The following ABCB1 variants were observed in gnomAD, a reference collection of about 807,000 sequenced individuals.
The protein encoded by ABCB1 is ATP-dependent translocase ABCB1.
A neutral mutation model predicts 142.0 loss-of-function variants in ABCB1; 69 were observed. That is an observed-to-expected ratio of 0.49 (90% confidence interval 0.40 to 0.59). The LOEUF (loss-of-function observed/expected upper bound fraction) is 0.59. ABCB1 is among the 20% of genes least tolerant of loss of function. ABCB1 has a pLI of 0.00. For missense variants in ABCB1, 1,326 were observed against 1,554.7 expected, an observed-to-expected ratio of 0.85 and a Z score of 2.47; for synonymous variants, 532 against 539.2, an observed-to-expected ratio of 0.99 and a Z score of 0.18.
intron 21 of ABCB1, among the ~76,000 whole-genome samples, chr7:87,527,344 T>C (rs1815828087): frequency 6.6e-6 from 1 of 152,236 alleles, no homozygotes; most frequent in African/African-American, 2.4e-5. Context: ...AAATGTATTG[T>C]ACAAAAAGTG....
Position 87,505,905 on chromosome 7 carries a change from T to A in ABCB1, c.3628A>T (p.Ser1210Cys), listed in dbSNP as rs1390471469. The A allele has an allele frequency of 6.2e-7, 1 of 1,614,072 alleles. No individual in the cohort carries two copies. The highest frequency in any genetic ancestry group is 1.3e-5 in the African/African-American group (1 of 74,940). ...DEATSALDTE[S>C]EKVVQEALDK... Reference sequence around the variant, plus strand: ...CCAATTTAAATTCTTACCTTTTCACTTTCTGTATCCAGAGCTGACGTGGCT... The same window carrying A: ...CCAATTTAAATTCTTACCTTTTCACATTCTGTATCCAGAGCTGACGTGGCT... The change falls in exon 27 of 28, where the codon AGT becomes TGT. Residue 1210 changes from serine (S) to cysteine (C), a missense_variant. By Grantham distance (112) the Ser-to-Cys change is moderately radical. Coordinates refer to ENST00000622132, the MANE Select transcript of ABCB1 (RefSeq NM_001348946.2).
chr7:87,544,756 C>A, intron 16 of ABCB1, 67 bp downstream of exon 16: 1 of 1,544,582 alleles, frequency 6.5e-7, no homozygotes, highest in Non-Finnish European at 8.9e-7. Context: ...CTACTGTAGC[C>A]CTAGCCCACC....
Position 87,566,113 on chromosome 7 carries a change from G to A in ABCB1, c.659C>T (p.Ala220Val). 1.2e-6 allele frequency: 2 copies of A among 1,614,176 alleles called. No homozygotes were observed. Among genetic ancestry groups the A allele is most frequent in the Non-Finnish European group, 1.7e-6 (2 of 1,180,024 alleles). The change falls in exon 7 of 28, where the codon GCC becomes GTC. Residue 220 changes from alanine (A) to valine (V), a missense_variant. Transcript: ENST00000622132. ...TGACAGTCCAAGAACAGGACTGATG[G>A]CCAAAATCACAAGGGTTAGCTTCCA... ...RGWKLTLVIL[A>V]ISPVLGLSAA... is the part of the protein sequence containing the mutation.
In ABCB1 at chr7:87,550,288, C is replaced by G; in HGVS notation, c.1233G>C (p.Lys411Asn). ...CACTCTGCACCTTCAGGTTCAGACCCTTCAAGATCTACCAGGACGAGTGAG... is the reference window on the plus strand; with the variant it reads ...CACTCTGCACCTTCAGGTTCAGACCGTTCAAGATCTACCAGGACGAGTGAG... Reference protein sequence around the residue: ...YPSRKEVKILKGLNLKVQSGQ... With the variant: ...YPSRKEVKILNGLNLKVQSGQ... Residue 411 changes from lysine to asparagine, a missense_variant, in exon 12 of 28, where the codon AAG (lysine) becomes AAC (asparagine). Coordinates refer to ENST00000622132, the MANE Select transcript of ABCB1 (RefSeq NM_001348946.2). 6.2e-7 allele frequency: 1 copy of G among 1,614,160 alleles called. No individual in the cohort carries two copies. Among genetic ancestry groups the G allele is most frequent in the Non-Finnish European group, 8.5e-7 (1 of 1,180,034 alleles).
chr7:87,645,810 T>G (rs901390825), intron 1 of ABCB1, among the ~76,000 whole-genome samples: 1 of 152,136 alleles, frequency 6.6e-6, no homozygotes, highest in Non-Finnish European at 1.5e-5. Context: ...TTTAGAGAAG[T>G]GAGTATTGAG....
chr7:87,661,880 G>A (rs1331758352), intron 1 of ABCB1, among the ~76,000 whole-genome samples: 1 of 152,000 alleles, frequency 6.6e-6, no homozygotes, highest in Non-Finnish European at 1.5e-5. Context: ...CAGTGTATAA[G>A]AGTTCCCTTT....
intron 1 of ABCB1, among the ~76,000 whole-genome samples, chr7:87,688,597 G>A (rs968358133): frequency 2.6e-5 from 4 of 151,464 alleles, no homozygotes; most frequent in East Asian, 1.9e-4. Context: ...TTTTTTCTCC[G>A]TTGATTAGTC....
intron 1 of ABCB1, among the ~76,000 whole-genome samples, chr7:87,699,275 A>AT (rs1259486675): frequency 3.3e-5 from 5 of 152,180 alleles, no homozygotes; most frequent in African/African-American, 4.8e-5. Context: ...CTACAAGAAG[A>AT]TTAAACAACT....
At chr7:87,581,783 C>T (rs796293134) in intron 4 of ABCB1, among the ~76,000 whole-genome samples, 1 of 152,308 alleles carries the variant, frequency 6.6e-6, no homozygotes, top group African/African-American at 2.4e-5. Context: ...AGAGCCTCCG[C>T]AAGTCCAAGT....
At chr7:87,621,017 A>C (rs770154724) in intron 1 of ABCB1, among the ~76,000 whole-genome samples, 3 of 152,164 alleles carry the variant, frequency 2.0e-5, no homozygotes, top group Non-Finnish European at 2.9e-5. Context: ...ATAAAAAAAA[A>C]ATGTGAAGAA....
intron 1 of ABCB1, among the ~76,000 whole-genome samples, chr7:87,636,457 T>A: frequency 6.6e-6 from 1 of 152,194 alleles, no homozygotes; most frequent in East Asian, 1.9e-4. Context: ...TCTTTGTACA[T>A]TCTGTATGGG....
At position 87,519,431 on chromosome 7, in the gene ABCB1, G is replaced by A. The variant is rs1455566610; in HGVS notation, c.2822C>T (p.Thr941Ile). The A allele has an allele frequency of 1.2e-6, 2 of 1,613,968 alleles. No individual in the cohort carries two copies. The highest frequency in any genetic ancestry group is 8.5e-7 in the Non-Finnish European group (1 of 1,179,948). Residue 941 changes from threonine to isoleucine, a missense_variant, in exon 23 of 28, where the codon ACA becomes ATA. Transcript: ENST00000622132. The stretch of plus-strand genomic sequence containing the variant: ...CATCATTGCCTGGGTGAAGGAAAAT[G>A]TAATTCCAAAGATGTGTGCTTTCCT... ...SLRKAHIFGI[T>I]FSFTQAMMYF...
chr7:87,522,021 T>C (rs1032524264), intron 21 of ABCB1: 25 of 919,730 alleles, frequency 2.7e-5, no homozygotes, highest in Non-Finnish European at 4.1e-5. Flanking sequence ...CAAGAGATGG[T>C]GAGTGCTTCA....
chr7:87,579,662 TTGA>T (rs1818424531), intron 4 of ABCB1, among the ~76,000 whole-genome samples: 1 of 152,194 alleles, frequency 6.6e-6, no homozygotes, highest in Non-Finnish European at 1.5e-5. Context: ...AATGTTATTA[TTGA>T]TAAGTGAAGA....
At chr7:87,706,851 G>A (rs1829641273) in intron 1 of ABCB1, among the ~76,000 whole-genome samples, 1 of 152,178 alleles carries the variant, frequency 6.6e-6, no homozygotes, top group African/African-American at 2.4e-5. Flanking sequence ...TCAAAGCAAA[G>A]TCCCATAAAC....
chr7:87,605,676 T>A (rs573395240), upstream of ABCB1, among the ~76,000 whole-genome samples: 37 of 152,300 alleles, frequency 2.4e-4, no homozygotes, highest in African/African-American at 8.2e-4. Context: ...AATACTCCAC[T>A]GCTCAAAAGA....
chr7:87,520,874 G>C lies in ABCB1; in HGVS notation c.2688C>G (p.Ile896Met), dbSNP rs532094830. 6.2e-7 allele frequency: 1 copy of C among 1,613,092 alleles called. No homozygotes were observed. Among genetic ancestry groups the C allele is most frequent in the Admixed American group, 1.7e-5 (1 of 59,972 alleles). The stretch of plus-strand genomic sequence containing the variant: ...GGAAGTTTTCTATTGCTTCAGTAGC[G>C]ATCTGTAACAGACAGCACCGATCAC... ...DKKELEGSGKIATEAIENFRT... is the reference protein window; with the variant it reads ...DKKELEGSGKMATEAIENFRT... The change falls in exon 22 of 28, where the codon ATC (isoleucine) becomes ATG (methionine). Residue 896 changes from isoleucine (I) to methionine (M), a missense_variant and splice_region_variant. Physicochemically the swap from Ile to Met is conservative, Grantham distance 10 (BLOSUM62 1). Transcript: ENST00000622132.
intron 1 of ABCB1, among the ~76,000 whole-genome samples, chr7:87,674,032 TG>T (rs1273713090): frequency 6.6e-6 from 1 of 152,202 alleles, no homozygotes; most frequent in African/African-American, 2.4e-5. Flanking sequence ...AACTGGTACC[TG>T]GCCCCTGGCT....
At chr7:87,672,033 T>A (rs1443164721) in intron 1 of ABCB1, among the ~76,000 whole-genome samples, 7 of 152,102 alleles carry the variant, frequency 4.6e-5, no homozygotes. Context: ...TCTGGGAGTC[T>A]TTTCTGCCCC....
Sources: gnomAD v4.1 joint callset for allele counts (sites outside exome capture counted in the v4.1 genomes callset) on GRCh38, gnomAD v4.1.1 for gene constraint, MANE v1.5 for transcripts, NCBI Gene and HGNC (gene_info 2026-07-23, HGNC 2026-07-21) for gene names.